Variants in TAX1BP1 observed in about 807,000 individuals in gnomAD.
The protein encoded by TAX1BP1 is tax1-binding protein 1.
TAX1BP1 carries 62 observed loss-of-function variants against 97.7 expected under a neutral mutation model. The ratio of observed to expected loss-of-function variants is 0.63; its 90% CI spans 0.52 to 0.78. TAX1BP1 has a LOEUF of 0.78. Among genes scored for constraint, TAX1BP1 ranks in the 30% least tolerant of loss-of-function variants. The probability of loss-of-function intolerance (pLI) is 0.00; values close to 1 mark genes in which losing one functional copy is unlikely to be tolerated. For missense variants in TAX1BP1, 867 were observed against 916.1 expected, an observed-to-expected ratio of 0.95 and a Z score of 0.69; for synonymous variants, 340 against 304.2, an observed-to-expected ratio of 1.12 and a Z score of -1.23.
At chr7:27,753,059 G>C (rs1788080040) in intron 2 of TAX1BP1, among the ~76,000 whole-genome samples, 1 of 152,052 alleles carries the variant, frequency 6.6e-6, no homozygotes. Context: ...CAGCACTTTG[G>C]GAGGCTGAAG....
chr7:27,770,569 A>G (rs1396641287), intron 5 of TAX1BP1, among the ~76,000 whole-genome samples: 4 of 152,038 alleles, frequency 2.6e-5, no homozygotes, highest in Non-Finnish European at 5.9e-5. Context: ...GTATTGAGCT[A>G]TTGTTTCCTG....
intron 5 of TAX1BP1, 56 bp from the exon 6 acceptor site, chr7:27,785,107 T>G (rs1392446971): frequency 1.3e-6 from 2 of 1,521,938 alleles, no homozygotes; most frequent in African/African-American, 2.8e-5. Context: ...TATGCAAATT[T>G]GCTTTACTGA....
intron 15 of TAX1BP1, among the ~76,000 whole-genome samples, chr7:27,823,158 G>A (rs1791042422): frequency 6.6e-6 from 1 of 152,092 alleles, no homozygotes; most frequent in Non-Finnish European, 1.5e-5. Flanking sequence ...AGAAATGAAT[G>A]TCTGGCAAAG....
intron 2 of TAX1BP1, 91 bp from the exon 3 acceptor site, chr7:27,757,940 C>T: frequency 1.5e-6 from 1 of 659,780 alleles, no homozygotes; most frequent in Non-Finnish European, 2.6e-6. Context: ...TATATTTTAA[C>T]TGTAAAATAC....
chr7:27,793,090 G>A lies in TAX1BP1; in HGVS notation c.1288G>A (p.Glu430Lys). Residue 430 changes from glutamate (E) to lysine (K), a missense_variant, in exon 10 of 17, where the codon GAA (glutamate) becomes AAA (lysine). Coordinates refer to ENST00000396319, the MANE Select transcript of TAX1BP1 (RefSeq NM_006024.7). Reference sequence around the variant, plus strand: ...GGACAAGACTGATACACTGGAACACGAACTAAGAAGAGAAGTTGAAGATCT... The same window carrying A: ...GGACAAGACTGATACACTGGAACACAAACTAAGAAGAGAAGTTGAAGATCT... ...DQDKTDTLEH[E>K]LRREVEDLKL... The A allele has an allele frequency of 1.2e-6, 2 of 1,600,532 alleles. No homozygotes were observed. The highest frequency in any genetic ancestry group is 1.7e-6 in the Non-Finnish European group (2 of 1,177,016).
intron 13 of TAX1BP1, among the ~76,000 whole-genome samples, chr7:27,804,383 G>A (rs187360160): frequency 1.0e-3 from 154 of 152,308 alleles, no homozygotes; most frequent in Non-Finnish European, 1.9e-3. Context: ...CTATAAGGAC[G>A]AACCTTCCTT....
At chr7:27,749,365 A>G (rs1014125856) in intron 2 of TAX1BP1, among the ~76,000 whole-genome samples, 4 of 152,226 alleles carry the variant, frequency 2.6e-5, no homozygotes, top group African/African-American at 9.6e-5. Context: ...AGTCAAAATA[A>G]TGTCACGAAT....
At position 27,748,547 on chromosome 7, in the gene TAX1BP1, C is replaced by T; in HGVS notation, c.23C>T (p.Pro8Leu). ...ACAATGACATCCTTTCAAGAAGTCC[C>T]ATTGCAGACTTCCAACTTTGCCCAT... is the stretch of plus-strand genomic sequence containing the variant. Reference protein sequence around the residue: MTSFQEVPLQTSNFAHVI... With the variant: MTSFQEVLLQTSNFAHVI... Residue 8 changes from proline (P) to leucine (L), a missense_variant, in exon 2 of 17, where the codon CCA (proline) becomes CTA (leucine). By Grantham distance (98) the Pro-to-Leu change is moderately conservative (BLOSUM62 -3). This residue lies in a region of TAX1BP1 where 822 missense variants were observed against 851.4 expected (regional missense o/e 0.97). Coordinates refer to ENST00000396319, the MANE Select transcript of TAX1BP1 (RefSeq NM_006024.7). The T allele has an allele frequency of 1.3e-6, 2 of 1,597,140 alleles. No individual in the cohort carries two copies. The highest frequency in any genetic ancestry group is 1.7e-6 in the Non-Finnish European group (2 of 1,170,654).
chr7:27,756,035 C>G (rs1788198584), intron 2 of TAX1BP1, among the ~76,000 whole-genome samples: 1 of 152,148 alleles, frequency 6.6e-6, no homozygotes, highest in Non-Finnish European at 1.5e-5. Context: ...CATTGAGCAG[C>G]AAGTTCTAGC....
At position 27,787,441 on chromosome 7, in the gene TAX1BP1, A is replaced by G. The variant is rs764685350; in HGVS notation, c.876A>G (p.Ile292Met). Residue 292 changes from isoleucine to methionine, a missense_variant, in exon 8 of 17, where the codon ATA (isoleucine) becomes ATG (methionine). Coordinates refer to ENST00000396319, the MANE Select transcript of TAX1BP1 (RefSeq NM_006024.7). Reference protein sequence around the residue: ...LYKVHLKNTEIENTKLMSEVQ... With the variant: ...LYKVHLKNTEMENTKLMSEVQ... The stretch of plus-strand genomic sequence containing the variant: ...AGGTACATTTGAAGAATACAGAAAT[A>G]GAAAATACCAAGCTTATGTCAGAGG... 3.1e-6 allele frequency: 5 copies of G among 1,609,256 alleles called. No individual in the cohort carries two copies. Among genetic ancestry groups the G allele is most frequent in the Non-Finnish European group, 3.4e-6 (4 of 1,178,504 alleles).
chr7:27,786,049 T>C (rs1337379294), intron 7 of TAX1BP1, among the ~76,000 whole-genome samples: 1 of 152,092 alleles, frequency 6.6e-6, no homozygotes, highest in Non-Finnish European at 1.5e-5. Flanking sequence ...CATTTTAGAG[T>C]TTGACTTTTA....
In TAX1BP1 at chr7:27,748,607, C is replaced by G. The variant is rs200518839; in HGVS notation, c.83C>G (p.Pro28Arg). The part of the protein sequence containing the change: ...IFQNVAKSYL[P>R]NAHLECHYTL... ...CAAAATGTGGCCAAGAGTTACCTTC[C>G]TAATGCACACCTGGAATGTCATTAC... Residue 28 changes from proline (P) to arginine (R), a missense_variant, in exon 2 of 17, where the codon CCT becomes CGT. By Grantham distance (103) the Pro-to-Arg change is moderately radical (BLOSUM62 -2). Transcript: ENST00000396319. 2 of 1,605,798 alleles carry G rather than the reference C, an allele frequency of 1.2e-6. No homozygotes were observed. Among genetic ancestry groups the G allele is most frequent in the East Asian group, 2.2e-5 (1 of 44,612 alleles).
At chr7:27,748,977 T>A (rs1240312298) in intron 2 of TAX1BP1, among the ~76,000 whole-genome samples, 2 of 152,178 alleles carry the variant, frequency 1.3e-5, no homozygotes, top group Non-Finnish European at 2.9e-5. Context: ...TAAAAAAAGA[T>A]CTTTTTCTTT....
chr7:27,743,379 ATGTTTGTG>A (rs1233605908), intron 1 of TAX1BP1, among the ~76,000 whole-genome samples: 20 of 152,286 alleles, frequency 1.3e-4, no homozygotes, highest in South Asian at 1.2e-3. Context: ...TTCCTTTCAT[ATGTTTGTG>A]TGTCCTATCG....
At chr7:27,811,784 T>C (rs1790570441) in intron 13 of TAX1BP1, among the ~76,000 whole-genome samples, 1 of 152,202 alleles carries the variant, frequency 6.6e-6, no homozygotes, top group African/African-American at 2.4e-5. Flanking sequence ...CCCCCTGTCC[T>C]AGAAAACCTC....
chr7:27,812,169 C>T (rs1193759975), intron 13 of TAX1BP1, among the ~76,000 whole-genome samples: 1 of 152,106 alleles, frequency 6.6e-6, no homozygotes, highest in Non-Finnish European at 1.5e-5. Flanking sequence ...GTATTTTTGT[C>T]AGTCTTTAAT....
chr7:27,805,773 C>G (rs1403154780), intron 13 of TAX1BP1, among the ~76,000 whole-genome samples: 1 of 151,994 alleles, frequency 6.6e-6, no homozygotes, highest in African/African-American at 2.4e-5. Flanking sequence ...GAGGCAGAGG[C>G]TGCAGTGAGC....
At chr7:27,798,067 C>T (rs1384808547) in intron 12 of TAX1BP1, among the ~76,000 whole-genome samples, 2 of 151,996 alleles carry the variant, frequency 1.3e-5, no homozygotes, top group East Asian at 3.8e-4. Context: ...TATCAATTAG[C>T]CTACCTTTTA....
At chr7:27,827,591 T>G in intron 15 of TAX1BP1, 147 bp from the exon 16 acceptor site, 3 of 616,882 alleles carry the variant, frequency 4.9e-6, no homozygotes, top group Non-Finnish European at 8.5e-6. Flanking sequence ...CAAACATGTT[T>G]ATTTGAAAGT....
Sources: gnomAD v4.1 joint callset for allele counts (sites outside exome capture counted in the v4.1 genomes callset) on GRCh38, gnomAD v4.1.1 for gene constraint, gnomAD v4.1.1 regional missense constraint, MANE v1.5 for transcripts, NCBI Gene and HGNC (gene_info 2026-07-23, HGNC 2026-07-21) for gene names.